SGCB: variants seen among roughly 807,000 people sequenced by gnomAD.
The protein encoded by SGCB is beta-sarcoglycan.
SGCB carries 25 observed loss-of-function variants against 27.3 expected under a neutral mutation model. The ratio of observed to expected loss-of-function variants is 0.92; its 90% CI spans 0.67 to 1.28. SGCB has a LOEUF of 1.28. Among genes scored for constraint, SGCB ranks in the 50% most tolerant of loss-of-function variants. The pLI, the probability that SGCB is intolerant of heterozygous loss-of-function variation, is 0.00. For missense variants in SGCB, 436 were observed against 402.1 expected (o/e 1.08, Z -0.72); for synonymous variants, 147 against 133.5 (o/e 1.10, Z -0.70).
rs541129158 is a variant in SGCB, at chr4:52,034,331, CAAAAAAAAAAAAAAAA to C, written c.34-707_34-692del. On this transcript the variant is annotated intron_variant, in intron 1 of 5. Transcript: ENST00000381431. ...TGGGCGACAGAGCGAGACTCCGTCT[CAAAAAAAAAAAAAAAA>C]AAAAAAAAAAAAAAAAAAAAAAAAA... Among the ~76,000 whole-genome samples, 93 of 26,432 alleles carry C rather than the reference CAAAAAAAAAAAAAAAA, an allele frequency of 3.5e-3. 7 individuals carry two copies. Among genetic ancestry groups the C allele is most frequent in the Admixed American group, 5.8e-3 (6 of 1,034 alleles). The allele number at this position is 26,432 out of a possible 152,430, so 17.3% of individuals were successfully genotyped here. A position where few individuals can be genotyped will look rare whatever the true frequency, so the allele number is the denominator to read the frequency against.
At chr4:52,033,801 C>T (rs140997452) in intron 1 of SGCB, among the ~76,000 whole-genome samples, 161 bp from the exon 2 acceptor site, 1 of 152,200 alleles carries the variant, frequency 6.6e-6, no homozygotes, top group Non-Finnish European at 1.5e-5. Flanking sequence ...CAAATAAGGG[C>T]ATAACTGTGC....
intron 2 of SGCB, among the ~76,000 whole-genome samples, chr4:52,032,249 A>G (rs1480509103): frequency 6.6e-6 from 1 of 152,142 alleles, no homozygotes; most frequent in East Asian, 1.9e-4. Flanking sequence ...CTGCTTTTCA[A>G]GGTACTGGAA....
chr4:52,030,600 A>G (rs960563293), intron 2 of SGCB, among the ~76,000 whole-genome samples: 24 of 152,184 alleles, frequency 1.6e-4, no homozygotes, highest in African/African-American at 4.6e-4. Flanking sequence ...CTCAGATAAT[A>G]TATTAGTTCT....
rs1240221402 is a variant in SGCB, at chr4:52,024,041, A to G, written c.873T>C (p.Ala291=). The G allele has an allele frequency of 1.2e-6, 2 of 1,613,954 alleles. No individual in the cohort carries two copies. Among genetic ancestry groups the G allele is most frequent in the Non-Finnish European group, 1.7e-6 (2 of 1,179,992 alleles). Residue 291 remains alanine (A), a synonymous_variant, in exon 6 of 6, where the codon GCT becomes GCC. Transcript: ENST00000381431. The stretch of plus-strand genomic sequence containing the variant: ...CTTGCACCTTGAAGAGCGTCCCATC[A>G]GCACACATGCAGAGCTTGTAGCGTA... ...DWVRYKLCMC[A]DGTLFKVQVT...
intron 3 of SGCB, 67 bp from the exon 4 acceptor site, chr4:52,028,988 T>C: frequency 8.2e-7 from 1 of 1,213,952 alleles, no homozygotes; most frequent in Non-Finnish European, 1.2e-6. Flanking sequence ...TCCTGAACAA[T>C]ATATTTTAAA....
intron 1 of SGCB, among the ~76,000 whole-genome samples, chr4:52,034,349 A>AGTG: frequency 4.6e-5 from 2 of 43,870 alleles, no homozygotes; most frequent in African/African-American, 9.6e-5. Flanking sequence ...AAAAAAAAAA[A>AGTG]AAAAAAAAAA....
rs1478409559 is a variant in SGCB at position 52,023,432 on chromosome 4, T to C, written c.*525A>G. ...TTCCCAGTGCAAAACTAAGGAACCA[T>C]TGTTTCTATCTCACATATGTAAAGT... On this transcript the variant is annotated 3_prime_UTR_variant, in exon 6 of 6. Transcript: ENST00000381431. 2.0e-5 allele frequency: 3 copies of C among 153,228 alleles called. No individual in the cohort carries two copies. Among genetic ancestry groups the C allele is most frequent in the Non-Finnish European group, 4.4e-5 (3 of 68,462 alleles). 9.5% of individuals were successfully genotyped at this position (153,228 alleles called of 1,614,324 possible).
At chr4:52,037,673 C>A (rs1737431636) in intron 1 of SGCB, among the ~76,000 whole-genome samples, 1 of 152,138 alleles carries the variant, frequency 6.6e-6, no homozygotes, top group South Asian at 2.1e-4. Context: ...TTGGATAAAT[C>A]ATTTTTAAAA....
At chr4:52,033,844 C>G (rs1737314402) in intron 1 of SGCB, among the ~76,000 whole-genome samples, 8 of 152,142 alleles carry the variant, frequency 5.3e-5, no homozygotes, top group Admixed American at 5.2e-4. Flanking sequence ...ACTTCAAGGT[C>G]ACTATCTGAT....
chr4:52,031,585 A>G (rs761308996), intron 2 of SGCB, among the ~76,000 whole-genome samples: 53 of 150,766 alleles, frequency 3.5e-4, no homozygotes, highest in Admixed American at 4.6e-4. Flanking sequence ...TTCTTGTTTC[A>G]TTGATGCAGT....
chr4:52,024,192 C>A (rs1372958912), intron 5 of SGCB, 32 bp from the exon 6 acceptor site: 8 of 1,543,074 alleles, frequency 5.2e-6, no homozygotes, highest in Non-Finnish European at 7.2e-6. Flanking sequence ...GATTTATTTA[C>A]CTCCATGAGG....
chr4:52,027,936 T>TA, intron 5 of SGCB, 32 bp downstream of exon 5: 1 of 1,591,558 alleles, frequency 6.3e-7, no homozygotes. Context: ...AAGAACCTAA[T>TA]AATTCTCTTA....
Position 52,038,267 on chromosome 4 carries a change from C to A in SGCB, c.-8G>T. ...CGCCGCCGCTGCCGCCATCTTCCCG[C>A]GCCCGCCGCCGCCGAGCTCCCCGCC... is the stretch of plus-strand genomic sequence containing the variant. On this transcript the variant is annotated 5_prime_UTR_variant, in exon 1 of 6. Coordinates refer to ENST00000381431, the MANE Select transcript of SGCB (RefSeq NM_000232.5). 1 of 1,294,408 alleles carries A rather than the reference C, an allele frequency of 7.7e-7. No homozygotes were observed. The highest frequency in any genetic ancestry group is 2.5e-5 in the South Asian group (1 of 40,154). The allele number at this position is 1,294,408 out of a possible 1,614,324, so 80.2% of individuals were successfully genotyped here.
intron 4 of SGCB, among the ~76,000 whole-genome samples, chr4:52,028,433 C>T (rs946125498): frequency 6.6e-6 from 1 of 152,060 alleles, no homozygotes; most frequent in Non-Finnish European, 1.5e-5. Flanking sequence ...GTCAGGAGAT[C>T]GAGACCATCC....
intron 5 of SGCB, among the ~76,000 whole-genome samples, chr4:52,024,979 T>C (rs1426588534): frequency 6.6e-6 from 1 of 152,162 alleles, no homozygotes; most frequent in East Asian, 1.9e-4. Context: ...ACGCCCACTG[T>C]TCCAGAAACA....
Position 52,033,649 on chromosome 4 carries a change from G to T in SGCB, c.34-9C>A, listed in dbSNP as rs886059439. 44 of 1,601,712 alleles carry T rather than the reference G, an allele frequency of 2.7e-5. No homozygotes were observed. Among genetic ancestry groups the T allele is most frequent in the Non-Finnish European group, 3.8e-5 (44 of 1,168,908 alleles). Reference sequence around the variant, plus strand: ...GGACCATTGGAACTTTGCTAAAAATGAAATACAACATAATGGAACAGCTAT... The same window carrying T: ...GGACCATTGGAACTTTGCTAAAAATTAAATACAACATAATGGAACAGCTAT... On this transcript the variant is annotated splice_polypyrimidine_tract_variant and intron_variant, in intron 1 of 5. Coordinates refer to ENST00000381431, the MANE Select transcript of SGCB (RefSeq NM_000232.5).
At chr4:52,031,949 G>T (rs1432970389) in intron 2 of SGCB, 12 of 455,934 alleles carry the variant, frequency 2.6e-5, no homozygotes, top group Non-Finnish European at 4.8e-5. Context: ...TCTCTTGCCT[G>T]GCTGCCAGGG....
rs1736985081 is a variant in SGCB, at chr4:52,022,664, T to C, written c.*1293A>G. The C allele has an allele frequency of 1.3e-5, 2 of 152,238 alleles. No individual in the cohort carries two copies. The allele number at this position is 152,238 out of a possible 1,614,324, so 9.4% of individuals were successfully genotyped here. On this transcript the variant is annotated 3_prime_UTR_variant, in exon 6 of 6. Transcript: ENST00000381431. ...TATTTTCGAGGCATGGTGTACTTACTAGGCCATGCCTGGCCCAAAGAACTT... is the reference window on the plus strand; with the variant it reads ...TATTTTCGAGGCATGGTGTACTTACCAGGCCATGCCTGGCCCAAAGAACTT...
At chr4:52,036,430 G>A (rs1737393413) in intron 1 of SGCB, among the ~76,000 whole-genome samples, 1 of 152,080 alleles carries the variant, frequency 6.6e-6, no homozygotes, top group Admixed American at 6.6e-5. Flanking sequence ...CAAGAACAAT[G>A]GACTTTATCC....
Sources: gnomAD v4.1 joint callset for allele counts (sites outside exome capture counted in the v4.1 genomes callset) on GRCh38, gnomAD v4.1.1 for gene constraint, MANE v1.5 for transcripts, NCBI Gene and HGNC (gene_info 2026-07-23, HGNC 2026-07-21) for gene names.